ORMDL2: variants seen among roughly 807,000 people sequenced by gnomAD.
The protein encoded by ORMDL2 is ORM1-like protein 2.
In ORMDL2, 11 loss-of-function variants were observed where a neutral mutation model predicts 13.5. The ratio of observed to expected loss-of-function variants is 0.82; its 90% CI spans 0.51 to 1.35. ORMDL2 has a LOEUF of 1.35. Ranked by LOEUF, ORMDL2 falls within the 40% of genes most tolerant of loss-of-function variation. The probability of loss-of-function intolerance (pLI) is 0.00; values close to 1 mark genes in which losing one functional copy is unlikely to be tolerated. For missense variants in ORMDL2, 160 were observed against 191.1 expected (o/e 0.84, Z 0.96); for synonymous variants, 73 against 76.5 (o/e 0.95, Z 0.24).
At chr12:55,819,263 TC>T in intron 2 of ORMDL2, 78 bp from the exon 3 acceptor site, 9 of 1,589,372 alleles carry the variant, frequency 5.7e-6, no homozygotes, top group Non-Finnish European at 7.7e-6. Flanking sequence ...ATTTATGTGT[TC>T]CTTTTGGGAT....
In ORMDL2 at chr12:55,820,570, C is replaced by G; in HGVS notation, c.*175C>G. ...GATTGGCAAATGGGGCTCCTGGGCC[C>G]AGTCCTGCTAGTGGCAAGTTTCTTT... On this transcript the variant is annotated 3_prime_UTR_variant, in exon 4 of 4. Transcript: ENST00000243045. 1 of 725,552 alleles carries G rather than the reference C, an allele frequency of 1.4e-6. No individual in the cohort carries two copies. Among genetic ancestry groups the G allele is most frequent in the Non-Finnish European group, 2.3e-6 (1 of 437,788 alleles). The allele number at this position is 725,552 out of a possible 1,614,324, so 44.9% of individuals were successfully genotyped here. A position where few individuals can be genotyped will look rare whatever the true frequency, so the allele number is the denominator to read the frequency against.
In ORMDL2 at chr12:55,820,485, TTCTACACCTTTA is replaced by T; in HGVS notation, c.*91_*102del. 7.1e-7 allele frequency: 1 copy of T among 1,409,042 alleles called. No homozygotes were observed. Among genetic ancestry groups the T allele is most frequent in the Non-Finnish European group, 1.0e-6 (1 of 993,486 alleles). The allele number at this position is 1,409,042 out of a possible 1,614,324, so 87.3% of individuals were successfully genotyped here. On this transcript the variant is annotated 3_prime_UTR_variant, in exon 4 of 4. Transcript: ENST00000243045. ...TCCTTCTCTTATTCTCCATACTGTC[TTCTACACCTTTA>T]AAGCCTGAGAACTATACAACCTTTC...
rs1291331192 is a variant in ORMDL2 at position 55,820,562 on chromosome 12, C to T, written c.*167C>T. ...AGAGAAGAGATTGGCAAATGGGGCT[C>T]CTGGGCCCAGTCCTGCTAGTGGCAA... On this transcript the variant is annotated 3_prime_UTR_variant, in exon 4 of 4. Coordinates refer to ENST00000243045, the MANE Select transcript of ORMDL2 (RefSeq NM_014182.5). 1.1e-5 allele frequency: 9 copies of T among 792,408 alleles called. No individual in the cohort carries two copies. In the East Asian group the frequency reaches 1.6e-4, roughly 14 times the overall value. 49.1% of individuals were successfully genotyped at this position (792,408 alleles called of 1,614,324 possible).
intron 3 of ORMDL2, among the ~76,000 whole-genome samples, 184 bp from the exon 4 acceptor site, chr12:55,820,076 T>G (rs1440116545): frequency 6.6e-6 from 1 of 152,176 alleles, no homozygotes; most frequent in Non-Finnish European, 1.5e-5. Context: ...TCCCAGCTAC[T>G]TGGGAGGCTA....
intron 3 of ORMDL2, among the ~76,000 whole-genome samples, chr12:55,820,044 G>A (rs1291172251): frequency 6.6e-6 from 1 of 152,190 alleles, no homozygotes; most frequent in Non-Finnish European, 1.5e-5. Context: ...AAAGAGCAGG[G>A]CACTGTGGTG....
At chr12:55,818,180 A>T (rs1880565257) in intron 1 of ORMDL2, 68 bp downstream of exon 1, 1 of 448,796 alleles carries the variant, frequency 2.2e-6, no homozygotes. Context: ...GCGCCGAGGG[A>T]GTGGTGACCT....
chr12:55,819,506 G>A lies in ORMDL2; in HGVS notation c.326+13G>A, dbSNP rs1880607506. On this transcript the variant is annotated intron_variant, in intron 3 of 3. Coordinates refer to ENST00000243045, the MANE Select transcript of ORMDL2 (RefSeq NM_014182.5). ...CTCCTATTGTGCTGTGAGTCTATGG[G>A]GGAAATGAGATATGCTGGGTTAGAA... 12 of 1,611,882 alleles carry A rather than the reference G, an allele frequency of 7.4e-6. No individual in the cohort carries two copies. The highest frequency in any genetic ancestry group is 1.0e-5 in the Non-Finnish European group (12 of 1,178,808).
At chr12:55,820,194 T>TA (rs200104436) in intron 3 of ORMDL2, 66 bp from the exon 4 acceptor site, 39,849 of 1,142,220 alleles carry the variant, frequency 0.035, 5 homozygotes, top group East Asian at 0.055. Flanking sequence ...AACTGTCTCT[T>TA]AAAAAAAAAA....
At position 55,821,070 on chromosome 12, in the gene ORMDL2, TACAA is replaced by T. The variant is rs1366398040; in HGVS notation, c.*678_*681del. The T allele has an allele frequency of 2.0e-5, 3 of 152,428 alleles. No homozygotes were observed. Among genetic ancestry groups the T allele is most frequent in the East Asian group, 3.9e-4 (2 of 5,190 alleles). 9.4% of individuals were successfully genotyped at this position (152,428 alleles called of 1,614,324 possible). A position where few individuals can be genotyped will look rare whatever the true frequency, so the allele number is the denominator to read the frequency against. ...AATATGAACAAACTTAAAAAAAAAA[TACAA>T]ACCCTTGGATCACATGGGGGCTTCT... On this transcript the variant is annotated 3_prime_UTR_variant, in exon 4 of 4. Transcript: ENST00000243045.
At chr12:55,818,426 A>C (rs775976710) in intron 1 of ORMDL2, 9 of 251,118 alleles carry the variant, frequency 3.6e-5, no homozygotes, top group Non-Finnish European at 7.2e-5. Context: ...CGAGGTATTG[A>C]GCTCAGGTCC....
At position 55,818,129 on chromosome 12, in the gene ORMDL2, CTG is replaced by C; in HGVS notation, c.-2+19_-2+20del. The C allele has an allele frequency of 2.1e-6, 1 of 472,100 alleles. No homozygotes were observed. Among genetic ancestry groups the C allele is most frequent in the South Asian group, 1.5e-5 (1 of 64,642 alleles). The allele number at this position is 472,100 out of a possible 1,614,324, so 29.2% of individuals were successfully genotyped here. A position where few individuals can be genotyped will look rare whatever the true frequency, so the allele number is the denominator to read the frequency against. ...AGCTGGCAGGTAGGAGCTGCAAAGACTGTAAGGGTTGCTGAGGAAAAATGGTG... is the reference window on the plus strand; with the variant it reads ...AGCTGGCAGGTAGGAGCTGCAAAGACTAAGGGTTGCTGAGGAAAAATGGTG... On this transcript the variant is annotated intron_variant, in intron 1 of 3. Coordinates refer to ENST00000243045, the MANE Select transcript of ORMDL2 (RefSeq NM_014182.5).
Position 55,819,441 on chromosome 12 carries a change from G to A in ORMDL2, c.274G>A (p.Gly92Arg), listed in dbSNP as rs780407310. The change falls in exon 3 of 4, where the codon GGG becomes AGG. Residue 92 changes from glycine to arginine, a missense_variant. By Grantham distance (125) the Gly-to-Arg change is moderately radical. Transcript: ENST00000243045. Reference sequence around the variant, plus strand: ...GACACACTGGGAGCAAATGGACTATGGGCTCCAGTTTACCTCTTCCCGCAA... The same window carrying A: ...GACACACTGGGAGCAAATGGACTATAGGCTCCAGTTTACCTCTTCCCGCAA... ...LLTHWEQMDYGLQFTSSRKFL... is the reference protein window; with the variant it reads ...LLTHWEQMDYRLQFTSSRKFL... The A allele has an allele frequency of 6.2e-7, 1 of 1,613,970 alleles. No homozygotes were observed. Among genetic ancestry groups the A allele is most frequent in the South Asian group, 1.1e-5 (1 of 91,068 alleles).
rs1305984367 is a variant in ORMDL2 at position 55,819,421 on chromosome 12, A to G, written c.254A>G (p.His85Arg). 6.2e-7 allele frequency: 1 copy of G among 1,613,980 alleles called. No homozygotes were observed. Among genetic ancestry groups the G allele is most frequent in the Non-Finnish European group, 8.5e-7 (1 of 1,180,010 alleles). Residue 85 changes from histidine to arginine, a missense_variant, in exon 3 of 4, where the codon CAC (histidine) becomes CGC (arginine). Physicochemically the swap from His to Arg is conservative, Grantham distance 29. Coordinates refer to ENST00000243045, the MANE Select transcript of ORMDL2 (RefSeq NM_014182.5). ...PDQGKARLLT[H>R]WEQMDYGLQF... ...CAAGGAAAGGCTCGGCTACTGACAC[A>G]CTGGGAGCAAATGGACTATGGGCTC...
chr12:55,819,042 C>T lies in ORMDL2; in HGVS notation c.43C>T (p.Arg15Ter), dbSNP rs773429423. Residue 15 changes from arginine (R) to a stop codon, truncating the protein, a stop_gained, in exon 2 of 4, where the codon CGA becomes TGA. Transcript: ENST00000243045. LOFTEE classifies it high-confidence loss of function. The part of the protein sequence containing the change: ...VAHSEVNPNT[R>*]VMNSRGIWLA... ...ACACAGCGAAGTAAACCCCAACACC[C>T]GAGTGATGAATAGCCGAGGCATCTG... 6 of 1,613,972 alleles carry T rather than the reference C, an allele frequency of 3.7e-6. No homozygotes were observed. The African/African-American group carries it at 4.0e-5, about 11-fold the overall frequency.
rs17850934 is a variant in ORMDL2 at position 55,819,407 on chromosome 12, T to C, written c.240T>C (p.Ala80=). 1 of 1,614,102 alleles carries C rather than the reference T, an allele frequency of 6.2e-7. No individual in the cohort carries two copies. Among genetic ancestry groups the C allele is most frequent in the Non-Finnish European group, 8.5e-7 (1 of 1,180,022 alleles). The change falls in exon 3 of 4, where the codon GCT becomes GCC. Residue 80 remains alanine, a synonymous_variant. Transcript: ENST00000243045. ...TPFETPDQGK[A]RLLTHWEQMD... ...TTGAGACTCCTGACCAAGGAAAGGCTCGGCTACTGACACACTGGGAGCAAA... is the reference window on the plus strand; with the variant it reads ...TTGAGACTCCTGACCAAGGAAAGGCCCGGCTACTGACACACTGGGAGCAAA...
chr12:55,818,844 A>C (rs1161351339), intron 1 of ORMDL2, 155 bp from the exon 2 acceptor site: 2 of 627,436 alleles, frequency 3.2e-6, no homozygotes, highest in Non-Finnish European at 5.5e-6. Flanking sequence ...GTTTTCCCCA[A>C]GTCTTCAGTT....
In ORMDL2 at chr12:55,820,970, G is replaced by C. The variant is rs1366765397; in HGVS notation, c.*575G>C. The C allele has an allele frequency of 6.5e-6, 1 of 153,242 alleles. No individual in the cohort carries two copies. Among genetic ancestry groups the C allele is most frequent in the Non-Finnish European group, 1.5e-5 (1 of 68,538 alleles). 9.5% of individuals were successfully genotyped at this position (153,242 alleles called of 1,614,324 possible). A position where few individuals can be genotyped will look rare whatever the true frequency, so the allele number is the denominator to read the frequency against. On this transcript the variant is annotated 3_prime_UTR_variant, in exon 4 of 4. Coordinates refer to ENST00000243045, the MANE Select transcript of ORMDL2 (RefSeq NM_014182.5). ...GGGCTCCGGCTATATGGGCAACAAAGAGGGAAGATACAGGTTGCCAGTTAT... is the reference window on the plus strand; with the variant it reads ...GGGCTCCGGCTATATGGGCAACAAACAGGGAAGATACAGGTTGCCAGTTAT...
At position 55,820,594 on chromosome 12, in the gene ORMDL2, T is replaced by C. The variant is rs1880640075; in HGVS notation, c.*199T>C. ...CCAGTCCTGCTAGTGGCAAGTTTCT[T>C]TGAATCAGGAAGGCAGGTGAGGTAA... is the stretch of plus-strand genomic sequence containing the variant. On this transcript the variant is annotated 3_prime_UTR_variant, in exon 4 of 4. Coordinates refer to ENST00000243045, the MANE Select transcript of ORMDL2 (RefSeq NM_014182.5). The C allele has an allele frequency of 8.1e-6, 5 of 619,896 alleles. No individual in the cohort carries two copies. Among genetic ancestry groups the C allele is most frequent in the East Asian group, 5.7e-5 (2 of 35,318 alleles). 38.4% of individuals were successfully genotyped at this position (619,896 alleles called of 1,614,324 possible).
chr12:55,819,463 G>C lies in ORMDL2; in HGVS notation c.296G>C (p.Arg99Pro). 6.2e-7 allele frequency: 1 copy of C among 1,613,996 alleles called. No homozygotes were observed. Among genetic ancestry groups the C allele is most frequent in the Non-Finnish European group, 8.5e-7 (1 of 1,179,964 alleles). ...MDYGLQFTSS[R>P]KFLSISPIVL... ...TATGGGCTCCAGTTTACCTCTTCCC[G>C]CAAGTTCCTCAGCATCTCTCCTATT... The change falls in exon 3 of 4, where the codon CGC (arginine) becomes CCC (proline). Residue 99 changes from arginine to proline, a missense_variant. Arg to Pro is a moderately radical substitution (Grantham distance 103, BLOSUM62 -2). Coordinates refer to ENST00000243045, the MANE Select transcript of ORMDL2 (RefSeq NM_014182.5).
Sources: allele counts gnomAD v4.1 joint callset (sites outside exome capture counted in the v4.1 genomes callset), GRCh38; gene constraint gnomAD v4.1.1; transcripts MANE v1.5; gene names NCBI Gene and HGNC (gene_info 2026-07-23, HGNC 2026-07-21).